The following FAM135A variants were observed in gnomAD, a reference collection of about 807,000 sequenced individuals.
The protein encoded by FAM135A is family with sequence similarity 135 member A, also known as protein FAM135A.
In FAM135A, 79 loss-of-function variants were observed where a neutral mutation model predicts 146.8. The ratio of observed to expected loss-of-function variants is 0.54; its 90% confidence interval spans 0.45 to 0.65. FAM135A has a LOEUF of 0.65. FAM135A is among the 30% of genes least tolerant of loss of function. The probability of loss-of-function intolerance (pLI) is 0.00; values close to 1 mark genes in which losing one functional copy is unlikely to be tolerated. For missense variants in FAM135A, 1,623 were observed against 1,758.2 expected (o/e 0.92, Z 1.38); for synonymous variants, 562 against 603.6 (o/e 0.93, Z 1.01).
In FAM135A at chr6:70,494,676, G is replaced by C. The variant is rs76185262; in HGVS notation, c.873+3593G>C. On this transcript the variant is annotated intron_variant, in intron 11 of 21. Coordinates refer to ENST00000418814, the MANE Select transcript of FAM135A (RefSeq NM_001162529.3). ...TGAAAACCAGAGAAATAGTTTATCTGTGCTTCAAGGATGCTTTTCCAACAA... is the reference window on the plus strand; with the variant it reads ...TGAAAACCAGAGAAATAGTTTATCTCTGCTTCAAGGATGCTTTTCCAACAA... Among the ~76,000 whole-genome samples the C allele has an allele frequency of 4.8e-3, 725 of 152,110 alleles. 8 individuals are homozygous for C. Among genetic ancestry groups the C allele is most frequent in the African/African-American group, 0.016 (673 of 41,516 alleles).
At chr6:70,485,426 G>A (rs543001100) in intron 10 of FAM135A, among the ~76,000 whole-genome samples, 41 of 152,132 alleles carry the variant, frequency 2.7e-4, no homozygotes, top group African/African-American at 9.6e-4. Context: ...AAAAGTATTT[G>A]TTACATATTC....
chr6:70,486,267 T>C (rs780255288), intron 10 of FAM135A: 56 of 1,600,408 alleles, frequency 3.5e-5, no homozygotes, highest in Non-Finnish European at 4.5e-5. Flanking sequence ...ATAGCTTAAG[T>C]AAATGATCCC....
chr6:70,490,845 T>C (rs1437463563), intron 10 of FAM135A, among the ~76,000 whole-genome samples, 189 bp from the exon 11 acceptor site: 1 of 152,042 alleles, frequency 6.6e-6, no homozygotes, highest in Non-Finnish European at 1.5e-5. Context: ...ATGATATTTA[T>C]CAGAATGTAG....
chr6:70,462,373 T>G (rs749126751), intron 5 of FAM135A, among the ~76,000 whole-genome samples: 3 of 152,200 alleles, frequency 2.0e-5, no homozygotes, highest in Non-Finnish European at 4.4e-5. Flanking sequence ...GTAAAATGTA[T>G]ATATTAATCC....
At chr6:70,553,133 C>A (rs1332082040) in intron 20 of FAM135A, among the ~76,000 whole-genome samples, 1 of 152,076 alleles carries the variant, frequency 6.6e-6, no homozygotes, top group African/African-American at 2.4e-5. Context: ...ATTAGATAAA[C>A]CAGTGAACCA....
At position 70,533,737 on chromosome 6, in the gene FAM135A, G is replaced by C; in HGVS notation, c.3868-20G>C. 7.1e-7 allele frequency: 1 copy of C among 1,415,620 alleles called. No homozygotes were observed. The highest frequency in any genetic ancestry group is 9.7e-7 in the Non-Finnish European group (1 of 1,026,004). The allele number at this position is 1,415,620 out of a possible 1,614,324, so 87.7% of individuals were successfully genotyped here. A position where few individuals can be genotyped will look rare whatever the true frequency, so the allele number is the denominator to read the frequency against. On this transcript the variant is annotated intron_variant, in intron 17 of 21. Coordinates refer to ENST00000418814, the MANE Select transcript of FAM135A (RefSeq NM_001162529.3). ...ATACATATTCCCAAATATAATGTAT[G>C]TGCTTTGCTTTCTTTTTAGAATGAT...
rs545982598 is a variant in FAM135A, at chr6:70,527,593, C to T, written c.3615-699C>T. Among the ~76,000 whole-genome samples the T allele has an allele frequency of 2.2e-4, 33 of 152,212 alleles. 1 individual carries two copies. The South Asian group carries it at 6.0e-3, about 28-fold the overall frequency. ...ATAGACTTTATATATTTTTGGCCAG[C>T]TTATCCTACTCAGTTTAGTGTTCAT... On this transcript the variant is annotated intron_variant, in intron 15 of 21. Transcript: ENST00000418814.
chr6:70,428,481 T>A (rs1385091202), intron 4 of FAM135A, 62 bp downstream of exon 4: 1 of 1,104,968 alleles, frequency 9.1e-7, no homozygotes, highest in Non-Finnish European at 1.3e-6. Context: ...AATTTAAATT[T>A]AATTACATAT....
At chr6:70,429,369 C>T (rs934192073) in intron 4 of FAM135A, among the ~76,000 whole-genome samples, 9 of 151,818 alleles carry the variant, frequency 5.9e-5, no homozygotes, top group East Asian at 5.8e-4. Context: ...AAAAATTAGC[C>T]GGGCGTGGTG....
At chr6:70,470,846 G>C (rs1289704065) in intron 5 of FAM135A, among the ~76,000 whole-genome samples, 4 of 152,164 alleles carry the variant, frequency 2.6e-5, no homozygotes, top group African/African-American at 9.7e-5. Flanking sequence ...GCCTGAAAAG[G>C]GAGCAGAGAA....
chr6:70,435,101 ATATATATATTT>A (rs1387519479), intron 4 of FAM135A, among the ~76,000 whole-genome samples: 2 of 120,002 alleles, frequency 1.7e-5, no homozygotes, highest in African/African-American at 6.1e-5. Context: ...ATATATATAT[ATATATATATTT>A]TTTTTTTTTT....
chr6:70,479,831 G>A (rs3896134), intron 8 of FAM135A, among the ~76,000 whole-genome samples: 3 of 151,978 alleles, frequency 2.0e-5, no homozygotes, highest in Admixed American at 6.6e-5. Context: ...AAGTGGCTTA[G>A]GATTTCTTTC....
chr6:70,524,220 T>C, intron 14 of FAM135A, 99 bp downstream of exon 14: 1 of 1,391,882 alleles, frequency 7.2e-7, no homozygotes, highest in South Asian at 1.5e-5. Flanking sequence ...GAATAGTTTT[T>C]TTCCCTCTCT....
intron 20 of FAM135A, among the ~76,000 whole-genome samples, chr6:70,556,182 G>C (rs1035782964): frequency 6.6e-6 from 1 of 152,108 alleles, no homozygotes; most frequent in Non-Finnish European, 1.5e-5. Flanking sequence ...CCAGGAGGCA[G>C]AGGTTGCAGT....
intron 20 of FAM135A, among the ~76,000 whole-genome samples, chr6:70,541,604 T>G (rs1386767189): frequency 6.6e-6 from 1 of 152,182 alleles, no homozygotes; most frequent in African/African-American, 2.4e-5. Context: ...CTCTGTACAT[T>G]CTTCTTGGAC....
At chr6:70,473,468 C>G (rs767870724) in intron 5 of FAM135A, among the ~76,000 whole-genome samples, 1 of 152,316 alleles carries the variant, frequency 6.6e-6, no homozygotes, top group Middle Eastern at 3.4e-3. Context: ...CATATCAGTA[C>G]TCTCAGTTTC....
rs780073253 is a variant in FAM135A, at chr6:70,524,064, G to A, written c.1201G>A (p.Asp401Asn). Residue 401 changes from aspartate (D) to asparagine (N), a missense_variant, in exon 14 of 22, where the codon GAT (aspartate) becomes AAT (asparagine). Around this residue, in one of 7 missense-constraint regions of FAM135A, gnomAD observed 1,061 missense variants for 1,113.8 expected, o/e 0.95. Coordinates refer to ENST00000418814, the MANE Select transcript of FAM135A (RefSeq NM_001162529.3). ...TATTGAATGTAGTGAATTAGATGGA[G>A]ATCTCAATTCATTACCTATAATCTT... Reference protein sequence around the residue: ...LPIECSELDGDLNSLPIIFED... With the variant: ...LPIECSELDGNLNSLPIIFED... The A allele has an allele frequency of 1.2e-6, 2 of 1,612,178 alleles. No homozygotes were observed. Among genetic ancestry groups the A allele is most frequent in the Non-Finnish European group, 1.7e-6 (2 of 1,178,888 alleles).
intron 5 of FAM135A, among the ~76,000 whole-genome samples, chr6:70,462,887 G>A (rs9455122): frequency 0.025 from 3,838 of 152,240 alleles, 168 homozygotes; most frequent in African/African-American, 0.088. Context: ...TTAGCTACTT[G>A]GAATAAAGCT....
chr6:70,502,181 AT>A (rs939648454), intron 11 of FAM135A, among the ~76,000 whole-genome samples: 1 of 152,184 alleles, frequency 6.6e-6, no homozygotes, highest in East Asian at 1.9e-4. Context: ...AAGTATCACA[AT>A]TTTTTCTAAG....
Sources: gnomAD v4.1 joint callset for allele counts (sites outside exome capture counted in the v4.1 genomes callset) on GRCh38, gnomAD v4.1.1 for gene constraint, gnomAD v4.1.1 regional missense constraint, MANE v1.5 for transcripts, NCBI Gene and HGNC (gene_info 2026-07-23, HGNC 2026-07-21) for gene names.